The following TRIM44 variants were observed in gnomAD, a reference collection of about 807,000 sequenced individuals.
TRIM44 encodes tripartite motif containing 44.
Under a neutral mutation model 37.4 loss-of-function variants are expected in TRIM44, and 13 were observed. That is an observed-to-expected ratio of 0.35 (90% CI 0.23 to 0.55). TRIM44 has a LOEUF of 0.55. TRIM44 is among the 20% of genes least tolerant of loss of function. The pLI is 0.89. For missense variants in TRIM44, 426 were observed against 437.2 expected, an observed-to-expected ratio of 0.97 and a Z score of 0.23; for synonymous variants, 175 against 157.2, an observed-to-expected ratio of 1.11 and a Z score of -0.85.
intron 4 of TRIM44, among the ~76,000 whole-genome samples, chr11:35,766,072 TTC>T (rs1852795182): frequency 6.6e-6 from 1 of 152,230 alleles, no homozygotes; most frequent in African/African-American, 2.4e-5. Context: ...TCTTCTCTTT[TTC>T]TCTTTCTCCT....
chr11:35,739,064 T>G (rs1307140721), intron 4 of TRIM44, among the ~76,000 whole-genome samples: 1 of 152,164 alleles, frequency 6.6e-6, no homozygotes, highest in Non-Finnish European at 1.5e-5. Context: ...GATTTCCCAG[T>G]TGTTTGATAT....
chr11:35,702,887 G>T lies in TRIM44; in HGVS notation c.747+17551G>T, dbSNP rs3110367. On this transcript the variant is annotated intron_variant, in intron 2 of 4. Coordinates refer to ENST00000299413, the MANE Select transcript of TRIM44 (RefSeq NM_017583.6). ...GAAGTACCGGGTTCATCTCACTAGG[G>T]AGTGCCAGACAGTGGGCGCAGGACA... 4.8e-3 allele frequency among the ~76,000 whole-genome samples: 733 copies of T among 152,328 alleles called. 5 individuals are homozygous for T. The highest frequency in any genetic ancestry group is 0.016 in the African/African-American group (666 of 41,570).
At chr11:35,769,565 AG>A (rs1352733088) in intron 4 of TRIM44, among the ~76,000 whole-genome samples, 1 of 152,210 alleles carries the variant, frequency 6.6e-6, no homozygotes, top group African/African-American at 2.4e-5. Context: ...CCTAGGTTAG[AG>A]TACTGATGTA....
At chr11:35,699,802 A>G (rs908673636) in intron 2 of TRIM44, among the ~76,000 whole-genome samples, 4 of 152,038 alleles carry the variant, frequency 2.6e-5, no homozygotes, top group Non-Finnish European at 1.5e-5. Context: ...ATTCTTATAC[A>G]CCAATAACAG....
rs542139781 is a variant in TRIM44 at position 35,728,223 on chromosome 11, G to A, written c.987+2060G>A. On this transcript the variant is annotated intron_variant, in intron 3 of 4. Coordinates refer to ENST00000299413, the MANE Select transcript of TRIM44 (RefSeq NM_017583.6). Reference sequence around the variant, plus strand: ...CACCTGCAGTCCCAGCTACTTGGGAGGCTGAGGCAGAAGAATCGCTTGAAC... The same window carrying A: ...CACCTGCAGTCCCAGCTACTTGGGAAGCTGAGGCAGAAGAATCGCTTGAAC... 2.0e-3 allele frequency among the ~76,000 whole-genome samples: 306 copies of A among 152,258 alleles called. 1 individual carries two copies. Among genetic ancestry groups the A allele is most frequent in the African/African-American group, 7.1e-3 (295 of 41,560 alleles).
chr11:35,673,886 T>C (rs1851429279), intron 1 of TRIM44, among the ~76,000 whole-genome samples: 1 of 151,970 alleles, frequency 6.6e-6, no homozygotes, highest in African/African-American at 2.4e-5. Flanking sequence ...ACCCACCTTT[T>C]CTCTCCGCTT....
chr11:35,805,275 G>C (rs1853432715), intron 4 of TRIM44, among the ~76,000 whole-genome samples: 1 of 152,180 alleles, frequency 6.6e-6, no homozygotes, highest in Non-Finnish European at 1.5e-5. Context: ...TGCTCAAGCT[G>C]GCTCTTGTTA....
intron 4 of TRIM44, among the ~76,000 whole-genome samples, chr11:35,761,026 A>T (rs1479325829): frequency 6.6e-6 from 1 of 152,122 alleles, no homozygotes; most frequent in Non-Finnish European, 1.5e-5. Context: ...GATTCCACAT[A>T]TTAGTAAGGT....
intron 2 of TRIM44, among the ~76,000 whole-genome samples, chr11:35,699,434 G>A (rs1209772817): frequency 1.3e-5 from 2 of 151,998 alleles, no homozygotes; most frequent in African/African-American, 4.8e-5. Context: ...AATAAATTAG[G>A]TATTGATGGG....
chr11:35,788,040 C>T (rs957241228), intron 4 of TRIM44, among the ~76,000 whole-genome samples: 2 of 152,196 alleles, frequency 1.3e-5, no homozygotes, highest in African/African-American at 2.4e-5. Flanking sequence ...TCTAACTCAC[C>T]TGGTCTTACC....
chr11:35,791,551 G>A (rs565483670), intron 4 of TRIM44, among the ~76,000 whole-genome samples: 1 of 152,200 alleles, frequency 6.6e-6, no homozygotes, highest in South Asian at 2.1e-4. Flanking sequence ...CTGCTGATGA[G>A]ACACGTTCTC....
At chr11:35,748,613 G>A (rs746105876) in intron 4 of TRIM44, among the ~76,000 whole-genome samples, 2 of 152,136 alleles carry the variant, frequency 1.3e-5, no homozygotes, top group African/African-American at 2.4e-5. Flanking sequence ...TAGAGAAATC[G>A]TGGTCCCAAT....
At chr11:35,704,374 A>C (rs1361428958) in intron 2 of TRIM44, among the ~76,000 whole-genome samples, 1 of 152,374 alleles carries the variant, frequency 6.6e-6, no homozygotes, top group Non-Finnish European at 1.5e-5. Flanking sequence ...CAATCTAGCA[A>C]GGCAGGCCAA....
chr11:35,685,243 CTT>C lies in TRIM44; in HGVS notation c.670-13_670-12del. ...CAAAATGCTGTCTAGTGACCCCTCA[CTT>C]TTCTTTCTTCTAGAGCAAAGACTCA... is the stretch of plus-strand genomic sequence containing the variant. On this transcript the variant is annotated splice_polypyrimidine_tract_variant and intron_variant, in intron 1 of 4. Transcript: ENST00000299413. 6.2e-7 allele frequency: 1 copy of C among 1,612,712 alleles called. No homozygotes were observed. Among genetic ancestry groups the C allele is most frequent in the Non-Finnish European group, 8.5e-7 (1 of 1,178,960 alleles).
chr11:35,716,644 CAAGAGACCT>C (rs1362300287), intron 2 of TRIM44, among the ~76,000 whole-genome samples: 1 of 152,022 alleles, frequency 6.6e-6, no homozygotes, highest in Non-Finnish European at 1.5e-5. Flanking sequence ...AGTAGTAAGT[CAAGAGACCT>C]ATTATCTGGT....
At chr11:35,735,631 G>A (rs1472307951) in intron 4 of TRIM44, among the ~76,000 whole-genome samples, 186 bp downstream of exon 4, 1 of 152,046 alleles carries the variant, frequency 6.6e-6, no homozygotes, top group Non-Finnish European at 1.5e-5. Flanking sequence ...GTCATTTCCT[G>A]CCTGTAACCT....
At chr11:35,782,176 T>C (rs928680537) in intron 4 of TRIM44, among the ~76,000 whole-genome samples, 2 of 152,204 alleles carry the variant, frequency 1.3e-5, no homozygotes, top group Middle Eastern at 3.2e-3. Flanking sequence ...TGGAGTACTT[T>C]GTGAAGTCCA....
chr11:35,806,411 C>T lies in TRIM44; in HGVS notation c.*26C>T. ...AGGCTTGCTACCCCCAGTGGAAAAT[C>T]ATCCCCTCCCCTTGTGTGTATGTGA... is the stretch of plus-strand genomic sequence containing the variant. On this transcript the variant is annotated 3_prime_UTR_variant, in exon 5 of 5. Transcript: ENST00000299413. 1 of 1,613,114 alleles carries T rather than the reference C, an allele frequency of 6.2e-7. No homozygotes were observed. The highest frequency in any genetic ancestry group is 8.5e-7 in the Non-Finnish European group (1 of 1,179,198).
At chr11:35,805,187 G>C (rs1853431358) in intron 4 of TRIM44, among the ~76,000 whole-genome samples, 1 of 152,084 alleles carries the variant, frequency 6.6e-6, no homozygotes, top group Non-Finnish European at 1.5e-5. Context: ...GGAAAACGGG[G>C]GATAATAATA....
Sources: allele counts gnomAD v4.1 joint callset (sites outside exome capture counted in the v4.1 genomes callset), GRCh38; gene constraint gnomAD v4.1.1; transcripts MANE v1.5; gene names NCBI Gene and HGNC (gene_info 2026-07-23, HGNC 2026-07-21).